Variants in ROBO2 observed in about 807,000 individuals in gnomAD.
ROBO2 encodes the protein roundabout guidance receptor 2.
Under a neutral mutation model 160.8 loss-of-function variants are expected in ROBO2, and 53 were observed. That is an observed-to-expected ratio of 0.33 (90% CI 0.26 to 0.41). The LOEUF (loss-of-function observed/expected upper bound fraction) is 0.41. ROBO2 is among the 10% of genes least tolerant of loss of function. The pLI, the probability that ROBO2 is intolerant of heterozygous loss-of-function variation, is 1.00. For missense variants in ROBO2, 1,577 were observed against 1,722.4 expected, an observed-to-expected ratio of 0.92 and a Z score of 1.49; for synonymous variants, 664 against 611.7, an observed-to-expected ratio of 1.09 and a Z score of -1.26.
At chr3:77,444,282 T>G (rs1237233457) in intron 2 of ROBO2, among the ~76,000 whole-genome samples, 1 of 152,146 alleles carries the variant, frequency 6.6e-6, no homozygotes, top group African/African-American at 2.4e-5. Flanking sequence ...GGATGAAGCT[T>G]TAAGGGAATA....
At chr3:77,027,157 C>A (rs1395754995) in intron 2 of ROBO2, among the ~76,000 whole-genome samples, 1 of 152,164 alleles carries the variant, frequency 6.6e-6, no homozygotes, top group Non-Finnish European at 1.5e-5. Context: ...TCAGTTGAAG[C>A]ACTATTATTT....
chr3:77,454,120 CT>C (rs36018732), intron 2 of ROBO2, among the ~76,000 whole-genome samples: 20,486 of 139,396 alleles, frequency 0.15, 1,656 homozygotes, highest in East Asian at 0.36. Context: ...TTACTCTGGG[CT>C]TTTTTTTTTT....
At chr3:77,334,050 T>G (rs1369434785) in intron 2 of ROBO2, among the ~76,000 whole-genome samples, 4 of 152,140 alleles carry the variant, frequency 2.6e-5, no homozygotes, top group Admixed American at 2.0e-4. Flanking sequence ...AACTATACCT[T>G]TGAGTAAATG....
At chr3:76,003,673 C>T (rs2065947734) in intron 2 of ROBO2, among the ~76,000 whole-genome samples, 1 of 152,108 alleles carries the variant, frequency 6.6e-6, no homozygotes, top group Non-Finnish European at 1.5e-5. Context: ...ATGGGGCAGC[C>T]CAAGGATGCA....
chr3:76,205,577 G>A (rs17788404), intron 2 of ROBO2, among the ~76,000 whole-genome samples: 58,533 of 152,082 alleles, frequency 0.38, 11,948 homozygotes, highest in Middle Eastern at 0.46. Context: ...GAGTCCATGT[G>A]TTTTATTACC....
chr3:75,937,085 A>G (rs1443618658), intron 1 of ROBO2, among the ~76,000 whole-genome samples: 2 of 152,152 alleles, frequency 1.3e-5, no homozygotes, highest in East Asian at 3.8e-4. Flanking sequence ...TTTTGTATAT[A>G]TGTAGAGATT....
intron 15 of ROBO2, among the ~76,000 whole-genome samples, chr3:77,579,095 A>G (rs189561173): frequency 2.7e-4 from 41 of 152,214 alleles, no homozygotes; most frequent in Middle Eastern, 3.4e-3. Context: ...AACAAATCAT[A>G]TGTTTTCCTA....
At chr3:77,314,912 T>A (rs773133006) in intron 2 of ROBO2, among the ~76,000 whole-genome samples, 1 of 152,214 alleles carries the variant, frequency 6.6e-6, no homozygotes, top group Non-Finnish European at 1.5e-5. Flanking sequence ...TAAATTTCAG[T>A]AGCATGTTTT....
intron 2 of ROBO2, among the ~76,000 whole-genome samples, chr3:77,375,071 G>T (rs1300674164): frequency 1.3e-5 from 2 of 152,144 alleles, no homozygotes; most frequent in Admixed American, 6.5e-5. Flanking sequence ...AATGAGCCAG[G>T]TATGGTTGCA....
intron 6 of ROBO2, 24 bp from the exon 8 acceptor site, chr3:77,546,314 G>A (rs200553597): frequency 5.7e-5 from 92 of 1,611,510 alleles, no homozygotes; most frequent in South Asian, 3.3e-4. Flanking sequence ...ATATTTACAC[G>A]CTTTCTTTTC....
intron 2 of ROBO2, among the ~76,000 whole-genome samples, chr3:77,394,061 C>G (rs1165872175): frequency 6.6e-6 from 1 of 152,148 alleles, no homozygotes; most frequent in African/African-American, 2.4e-5. Context: ...AATCCCAAAT[C>G]TCAGGGAATT....
chr3:77,289,263 G>A (rs907047310), intron 2 of ROBO2, among the ~76,000 whole-genome samples: 1 of 152,154 alleles, frequency 6.6e-6, no homozygotes, highest in East Asian at 1.9e-4. Flanking sequence ...CTTTGGAAGT[G>A]ACAATTGAGA....
intron 2 of ROBO2, among the ~76,000 whole-genome samples, chr3:76,940,872 C>G (rs967788743): frequency 6.6e-6 from 1 of 152,158 alleles, no homozygotes; most frequent in Admixed American, 6.5e-5. Flanking sequence ...AAGTTTTCAG[C>G]TTTCATCTAA....
At chr3:76,359,920 A>C (rs1254183666) in intron 2 of ROBO2, among the ~76,000 whole-genome samples, 1 of 152,068 alleles carries the variant, frequency 6.6e-6, no homozygotes, top group Non-Finnish European at 1.5e-5. Flanking sequence ...ACACAGAAAC[A>C]TGACACATAG....
At chr3:77,143,988 T>C (rs2076928916) in intron 2 of ROBO2, among the ~76,000 whole-genome samples, 1 of 152,190 alleles carries the variant, frequency 6.6e-6, no homozygotes, top group Non-Finnish European at 1.5e-5. Flanking sequence ...TTAAAATAAG[T>C]TATGTCAGGT....
At chr3:77,007,775 T>C (rs999711788) in intron 2 of ROBO2, among the ~76,000 whole-genome samples, 1 of 152,108 alleles carries the variant, frequency 6.6e-6, no homozygotes, top group Non-Finnish European at 1.5e-5. Flanking sequence ...GTGAGATACA[T>C]TTCTATAAGA....
At chr3:76,802,641 T>A (rs971532873) in intron 2 of ROBO2, among the ~76,000 whole-genome samples, 11 of 147,694 alleles carry the variant, frequency 7.4e-5, no homozygotes, top group Non-Finnish European at 1.6e-4. Flanking sequence ...GGCAGGAGAA[T>A]GGCGGGAACC....
At chr3:77,288,551 C>T (rs1481121510) in intron 2 of ROBO2, among the ~76,000 whole-genome samples, 2 of 152,118 alleles carry the variant, frequency 1.3e-5, no homozygotes, top group Non-Finnish European at 2.9e-5. Flanking sequence ...GCCTGTTGTG[C>T]TGTTTTCCCT....
intron 2 of ROBO2, among the ~76,000 whole-genome samples, chr3:76,200,741 G>C (rs190591140): frequency 6.6e-6 from 1 of 152,110 alleles, no homozygotes; most frequent in Admixed American, 6.6e-5. Context: ...CTATAGTAGG[G>C]TGGCAAGAAG....
Sources: gnomAD v4.1 joint callset for allele counts (sites outside exome capture counted in the v4.1 genomes callset) on GRCh38, gnomAD v4.1.1 for gene constraint, MANE v1.5 for transcripts, NCBI Gene and HGNC (gene_info 2026-07-23, HGNC 2026-07-21) for gene names.